PSMB5: variants seen among roughly 807,000 people sequenced by gnomAD.
PSMB5 encodes the protein proteasome 20S subunit beta 5, also known as proteasome subunit beta type-5.
PSMB5 carries 2 observed loss-of-function variants against 22.8 expected under a neutral mutation model. The ratio of observed to expected loss-of-function variants is 0.09; its 90% CI spans 0.04 to 0.28. PSMB5 has a LOEUF of 0.28. PSMB5 is among the 10% of genes least tolerant of loss of function. The pLI, the probability that PSMB5 is intolerant of heterozygous loss-of-function variation, is 1.00. For missense variants in PSMB5, 269 were observed against 343.8 expected (o/e 0.78, Z 1.72); for synonymous variants, 133 against 135.3 (o/e 0.98, Z 0.12).
At chr14:23,029,869 C>A (rs1192328071) in intron 2 of PSMB5, among the ~76,000 whole-genome samples, 1 of 151,982 alleles carries the variant, frequency 6.6e-6, no homozygotes, top group African/African-American at 2.4e-5. Context: ...GCAAGCTCCA[C>A]CTCCTGGGTT....
intron 2 of PSMB5, among the ~76,000 whole-genome samples, chr14:23,029,785 G>GT (rs1471298912): frequency 6.6e-6 from 1 of 150,934 alleles, no homozygotes; most frequent in African/African-American, 2.4e-5. Context: ...GGCTAATTTT[G>GT]TATTTTTTTT....
intron 2 of PSMB5, chr14:23,027,839 A>G: frequency 6.5e-7 from 1 of 1,540,126 alleles, no homozygotes; most frequent in Non-Finnish European, 8.8e-7. Flanking sequence ...ACTGTGAAAG[A>G]TAACATTTAA....
In PSMB5 at chr14:23,026,087, T is replaced by A; in HGVS notation, c.*2A>T. 6.2e-7 allele frequency: 1 copy of A among 1,613,572 alleles called. No individual in the cohort carries two copies. Among genetic ancestry groups the A allele is most frequent in the Non-Finnish European group, 8.5e-7 (1 of 1,179,502 alleles). ...AACACAAGCAGCTGCATCCACCCTC[T>A]TTCAGGGGGTAGAGCCACTATACTT... is the stretch of plus-strand genomic sequence containing the variant. On this transcript the variant is annotated 3_prime_UTR_variant, in exon 3 of 3. Coordinates refer to ENST00000361611, the MANE Select transcript of PSMB5 (RefSeq NM_002797.5).
intron 2 of PSMB5, among the ~76,000 whole-genome samples, chr14:23,031,822 C>T (rs1254093687): frequency 6.6e-6 from 1 of 152,216 alleles, no homozygotes; most frequent in East Asian, 1.9e-4. Flanking sequence ...GGCGCAATGG[C>T]TCACTCCTGT....
Sources: gnomAD v4.1 joint callset for allele counts (sites outside exome capture counted in the v4.1 genomes callset) on GRCh38, gnomAD v4.1.1 for gene constraint, MANE v1.5 for transcripts, NCBI Gene and HGNC (gene_info 2026-07-23, HGNC 2026-07-21) for gene names.